Variants in AP3B2 observed in about 807,000 individuals in gnomAD.
AP3B2 encodes adaptor related protein complex 3 subunit beta 2.
A neutral mutation model predicts 126.9 loss-of-function variants in AP3B2; 50 were observed. That is an observed-to-expected ratio of 0.39 (90% CI 0.31 to 0.50). The LOEUF is 0.50. Ranked by LOEUF, AP3B2 falls within the 20% of genes least tolerant of loss-of-function variation. The pLI is 0.79. For synonymous variants in AP3B2, 541 were observed against 565.0 expected, an observed-to-expected ratio of 0.96 and a Z score of 0.60; for missense variants, 1,177 against 1,426.4, an observed-to-expected ratio of 0.83 and a Z score of 2.82.
At chr15:82,666,990 C>T in intron 14 of AP3B2, 57 bp from the exon 15 acceptor site, 1 of 1,534,216 alleles carries the variant, frequency 6.5e-7, no homozygotes, top group Non-Finnish European at 8.9e-7. Flanking sequence ...ACAGGAGGCT[C>T]AGAAACAGAT....
rs754953755 is a variant in AP3B2, at chr15:82,661,834, T to C, written c.3007A>G (p.Lys1003Glu). The C allele has an allele frequency of 6.2e-7, 1 of 1,612,790 alleles. No individual in the cohort carries two copies. The highest frequency in any genetic ancestry group is 2.2e-5 in the East Asian group (1 of 44,860). Reference protein sequence around the residue: ...PVFMSENEFKKEQGKLMGMNE... With the variant: ...PVFMSENEFKEEQGKLMGMNE... ...CCCAGGGAGCACTCACCCTGTTCCT[T>C]CTTAAACTCATTTTCACTCATGAAC... The change falls in exon 25 of 27, where the codon AAG (lysine) becomes GAG (glutamate). Residue 1003 changes from lysine to glutamate, a missense_variant. Around this residue, in one of 5 missense-constraint regions of AP3B2, gnomAD observed 587 missense variants for 571.3 expected, o/e 1.03. Coordinates refer to ENST00000535359, the MANE Select transcript of AP3B2 (RefSeq NM_001278512.2).
chr15:82,709,834 A>G lies in AP3B2; in HGVS notation c.-128T>C, dbSNP rs888270078. 1 of 668,118 alleles carries G rather than the reference A, an allele frequency of 1.5e-6. No homozygotes were observed. The highest frequency in any genetic ancestry group is 4.0e-5 in the Admixed American group (1 of 24,692). 41.4% of individuals were successfully genotyped at this position (668,118 alleles called of 1,614,324 possible). A position where few individuals can be genotyped will look rare whatever the true frequency, so the allele number is the denominator to read the frequency against. ...CGGCGGCGCGGCAGGGGTTCAGCAG[A>G]GGCTGCAGTGTGCAGCGGCGGAGGC... On this transcript the variant is annotated 5_prime_UTR_variant, in exon 1 of 27. Coordinates refer to ENST00000535359, the MANE Select transcript of AP3B2 (RefSeq NM_001278512.2).
chr15:82,665,446 A>T lies in AP3B2; in HGVS notation c.1971+11T>A, dbSNP rs1596169244. ...ACACACACACACACTTCAACCCTCC[A>T]CCCCGCTGACCTCCACGTTGCGCAC... On this transcript the variant is annotated intron_variant, in intron 16 of 26. Transcript: ENST00000535359. This position sits in a 1 kb window ranked among gnomAD's most constrained non-coding sequence, Gnocchi z 4.4. 6.5e-7 allele frequency: 1 copy of T among 1,546,768 alleles called. No homozygotes were observed. The highest frequency in any genetic ancestry group is 1.5e-5 in the African/African-American group (1 of 64,808).
At chr15:82,677,422 C>G (rs2048262140) in intron 12 of AP3B2, 39 bp from the exon 13 acceptor site, 1 of 1,569,688 alleles carries the variant, frequency 6.4e-7, no homozygotes, top group Non-Finnish European at 8.7e-7. Flanking sequence ...CCAAGACAGT[C>G]AGATGGCCAC....
chr15:82,690,642 CTTTTTTTT>C (rs147811093), intron 1 of AP3B2, among the ~76,000 whole-genome samples: 2 of 68,924 alleles, frequency 2.9e-5, no homozygotes, highest in South Asian at 4.6e-4. Flanking sequence ...TTTTCTTCTT[CTTTTTTTT>C]TTTTTTTTTT....
intron 25 of AP3B2, among the ~76,000 whole-genome samples, chr15:82,660,482 C>T (rs2047922116): frequency 6.6e-6 from 1 of 152,140 alleles, no homozygotes; most frequent in Non-Finnish European, 1.5e-5. Context: ...TTAATTGTAC[C>T]TCTGCAGTAG....
At chr15:82,707,861 T>C (rs2048820881) in intron 1 of AP3B2, among the ~76,000 whole-genome samples, 3 of 152,046 alleles carry the variant, frequency 2.0e-5, no homozygotes, top group Non-Finnish European at 4.4e-5. Flanking sequence ...CAGCTTAATC[T>C]CTCCCACTCT....
chr15:82,677,518 G>A (rs2048263202), intron 12 of AP3B2, 135 bp from the exon 13 acceptor site: 2 of 1,359,902 alleles, frequency 1.5e-6, no homozygotes, highest in East Asian at 5.0e-5. Context: ...GCCCTCAGAG[G>A]TGTAGGAACA....
chr15:82,689,918 A>G (rs920956611), intron 1 of AP3B2: 10 of 158,788 alleles, frequency 6.3e-5, no homozygotes, highest in African/African-American at 2.4e-4. Flanking sequence ...GCCTGGCAAC[A>G]TGGTGAAACA....
intron 3 of AP3B2, 100 bp from the exon 4 acceptor site, chr15:82,688,931 T>C: frequency 1.6e-6 from 2 of 1,217,310 alleles, no homozygotes; most frequent in Non-Finnish European, 2.3e-6. Flanking sequence ...CTGCGGTCCA[T>C]GGGGACAAAC....
chr15:82,659,652 G>C lies in AP3B2; in HGVS notation c.3214C>G (p.Pro1072Ala), dbSNP rs768065050. The C allele has an allele frequency of 6.2e-7, 1 of 1,613,934 alleles. No individual in the cohort carries two copies. Among genetic ancestry groups the C allele is most frequent in the Admixed American group, 1.7e-5 (1 of 60,020 alleles). The change falls in exon 27 of 27, where the codon CCA becomes GCA. Residue 1072 changes from proline to alanine, a missense_variant. Transcript: ENST00000535359. Reference protein sequence around the residue: ...SLVLLTLDARPAGAAQLTVNS... With the variant: ...SLVLLTLDARAAGAAQLTVNS... ...ACAGTCAGCTGGGCAGCTCCAGCTG[G>C]CCGGGCATCCAGGGTCAGCAGAACG... is the stretch of plus-strand genomic sequence containing the variant.
chr15:82,667,656 T>C (rs1483928898), intron 14 of AP3B2, among the ~76,000 whole-genome samples: 1 of 152,190 alleles, frequency 6.6e-6, no homozygotes, highest in Admixed American at 6.5e-5. Flanking sequence ...AGCCATCACT[T>C]ATCAAGTGCC....
At chr15:82,699,693 T>A (rs2048687191) in intron 1 of AP3B2, 1 of 399,494 alleles carries the variant, frequency 2.5e-6, no homozygotes, top group Non-Finnish European at 4.4e-6. Context: ...GAGATGCTTC[T>A]GGGGTCGTGT....
chr15:82,665,249 C>T lies in AP3B2; in HGVS notation c.2026G>A (p.Glu676Lys), dbSNP rs2048030969. Residue 676 changes from glutamate to lysine, a missense_variant and splice_region_variant, in exon 17 of 27, where the codon GAG becomes AAG. Glu to Lys is a moderately conservative substitution (Grantham distance 56, BLOSUM62 1). Coordinates refer to ENST00000535359, the MANE Select transcript of AP3B2 (RefSeq NM_001278512.2). The surrounding 1 kb of genome is among the most constrained non-coding windows in gnomAD (Gnocchi z 4.4). The part of the protein sequence containing the change: ...THVGLLGEYT[E>K]VPEWTKCSNR... Reference sequence around the variant, plus strand: ...CACACGTCACACGAAGGTGGGACCTCAGTGTATTCGCCCAACAGGCCCACG... The same window carrying T: ...CACACGTCACACGAAGGTGGGACCTTAGTGTATTCGCCCAACAGGCCCACG... 4 of 1,538,758 alleles carry T rather than the reference C, an allele frequency of 2.6e-6. No individual in the cohort carries two copies. Among genetic ancestry groups the T allele is most frequent in the Non-Finnish European group, 2.6e-6 (3 of 1,148,178 alleles).
intron 21 of AP3B2, 77 bp from the exon 22 acceptor site, chr15:82,663,310 G>A: frequency 8.2e-7 from 1 of 1,219,266 alleles, no homozygotes; most frequent in Non-Finnish European, 1.2e-6. Flanking sequence ...GGATCAAGGA[G>A]CACGCATTTC....
At chr15:82,697,271 T>C (rs1292075093) in intron 1 of AP3B2, among the ~76,000 whole-genome samples, 2 of 151,866 alleles carry the variant, frequency 1.3e-5, no homozygotes, top group Admixed American at 1.3e-4. Flanking sequence ...GAGGTGGAGC[T>C]TGCAGTGAGC....
At chr15:82,671,404 T>C (rs1175818524) in intron 14 of AP3B2, among the ~76,000 whole-genome samples, 2 of 152,052 alleles carry the variant, frequency 1.3e-5, no homozygotes, top group Non-Finnish European at 2.9e-5. Flanking sequence ...TTGTACACTG[T>C]TAGTGGAAAT....
Position 82,679,811 on chromosome 15 carries a change from A to G in AP3B2, c.1111-11T>C. ...GGGCTCAAACATACCCTGGCACAAG[A>G]GAGGCAGCTAGGGAGCTCCACCGAA... is the stretch of plus-strand genomic sequence containing the variant. On this transcript the variant is annotated splice_polypyrimidine_tract_variant and intron_variant, in intron 9 of 26. Coordinates refer to ENST00000535359, the MANE Select transcript of AP3B2 (RefSeq NM_001278512.2). 1 of 1,613,406 alleles carries G rather than the reference A, an allele frequency of 6.2e-7. No individual in the cohort carries two copies. Among genetic ancestry groups the G allele is most frequent in the African/African-American group, 1.3e-5 (1 of 74,958 alleles).
intron 4 of AP3B2, chr15:82,684,978 C>G (rs1159316809): frequency 3.3e-5 from 5 of 152,162 alleles, no homozygotes; most frequent in Admixed American, 3.3e-4. Context: ...CACTTGAACA[C>G]TTAGAGGCCA....
Sources: allele counts gnomAD v4.1 joint callset (sites outside exome capture counted in the v4.1 genomes callset), GRCh38; gene constraint gnomAD v4.1.1; regional missense constraint gnomAD v4.1.1; non-coding constraint Gnocchi (gnomAD v3.1); transcripts MANE v1.5; gene names NCBI Gene and HGNC (gene_info 2026-07-23, HGNC 2026-07-21).